The following DIAPH2 variants were observed in gnomAD, a reference collection of about 807,000 sequenced individuals.
DIAPH2 encodes the protein diaphanous related formin 2, also known as protein diaphanous homolog 2.
In DIAPH2, 35 loss-of-function variants were observed where a neutral mutation model predicts 92.7. The ratio of observed to expected loss-of-function variants is 0.38; its 90% CI spans 0.29 to 0.50. The LOEUF (loss-of-function observed/expected upper bound fraction) is 0.50, where lower values mean the gene tolerates loss of function less well. Ranked by LOEUF, DIAPH2 falls within the 20% of genes least tolerant of loss-of-function variation. The probability of loss-of-function intolerance (pLI) is 0.94; values close to 1 mark genes in which losing one functional copy is unlikely to be tolerated. For missense variants in DIAPH2, 701 were observed against 819.5 expected (o/e 0.86, Z 1.77); for synonymous variants, 301 against 280.4 (o/e 1.07, Z -0.73).
At chrX:97,197,411 A>G (rs1921645045) in intron 22 of DIAPH2, among the ~76,000 whole-genome samples, 1 of 112,154 alleles carries the variant, frequency 8.9e-6, no homozygotes, top group Non-Finnish European at 1.9e-5. Flanking sequence ...TACATTTTCT[A>G]TATATGCCTC....
chrX:97,129,888 T>C (rs2067126781), intron 21 of DIAPH2, among the ~76,000 whole-genome samples: 1 of 111,785 alleles, frequency 8.9e-6, no homozygotes, highest in African/African-American at 3.3e-5. Flanking sequence ...ATCCGTAATA[T>C]ATAAAGAACT....
intron 17 of DIAPH2, among the ~76,000 whole-genome samples, chrX:97,018,015 A>C (rs2066272096): frequency 8.9e-6 from 1 of 112,226 alleles, no homozygotes; most frequent in African/African-American, 3.2e-5. Context: ...AACATGTTGG[A>C]AGTTATTAGT....
chrX:97,266,107 A>G (rs2068334341), intron 23 of DIAPH2, among the ~76,000 whole-genome samples: 2 of 111,802 alleles, frequency 1.8e-5, no homozygotes, highest in African/African-American at 6.5e-5. Flanking sequence ...TGCATATACT[A>G]TGTCTGAAAA....
At chrX:97,296,750 T>C (rs1270026847) in intron 23 of DIAPH2, among the ~76,000 whole-genome samples, 5 of 111,298 alleles carry the variant, frequency 4.5e-5, no homozygotes, top group Non-Finnish European at 7.5e-5. Context: ...CCTGGCCAGC[T>C]ATAGTTATAG....
At chrX:96,705,307 C>T (rs1436246746) in intron 1 of DIAPH2, among the ~76,000 whole-genome samples, 1 of 111,116 alleles carries the variant, frequency 9.0e-6, no homozygotes, top group Non-Finnish European at 1.9e-5. Context: ...TATGATCGTG[C>T]CACTGCATTC....
At chrX:96,802,860 T>C (rs2064594138) in intron 4 of DIAPH2, among the ~76,000 whole-genome samples, 1 of 111,747 alleles carries the variant, frequency 8.9e-6, no homozygotes, top group African/African-American at 3.3e-5. Context: ...GCCTTCAGTC[T>C]ATGGCTGAAG....
In DIAPH2 at chrX:96,800,054, T is replaced by C. The variant is rs766642815; in HGVS notation, c.447+41796T>C. ...ACCATTACAATTGTGACCTACTTTT[T>C]TCCATTTGATTTTATTCACTAATAG... On this transcript the variant is annotated intron_variant, in intron 4 of 26. Transcript: ENST00000324765. Among the ~76,000 whole-genome samples, 19 of 111,209 alleles carry C rather than the reference T, an allele frequency of 1.7e-4. No individual in the cohort carries two copies. The East Asian group carries it at 4.8e-3, about 28-fold the overall frequency.
chrX:96,882,977 AAAAAAAC>A (rs1569419391), intron 5 of DIAPH2, among the ~76,000 whole-genome samples: 2 of 48,986 alleles, frequency 4.1e-5, no homozygotes, highest in Non-Finnish European at 6.0e-5. Context: ...AAAAAAAAAA[AAAAAAAC>A]AAAAAAACAA....
chrX:97,231,241 C>CTTTT (rs5903071), intron 22 of DIAPH2, among the ~76,000 whole-genome samples: 13 of 83,397 alleles, frequency 1.6e-4, no homozygotes, highest in African/African-American at 5.8e-4. Flanking sequence ...TTCTTTCAGG[C>CTTTT]TTTTTTTTTT....
chrX:97,379,333 T>C (rs1210759078), intron 24 of DIAPH2, among the ~76,000 whole-genome samples: 1 of 112,109 alleles, frequency 8.9e-6, no homozygotes, highest in Non-Finnish European at 1.9e-5. Flanking sequence ...GATGTGGTCA[T>C]TTGTCTGTCA....
intron 23 of DIAPH2, among the ~76,000 whole-genome samples, chrX:97,268,776 A>G (rs1385906988): frequency 9.0e-6 from 1 of 111,245 alleles, no homozygotes; most frequent in Non-Finnish European, 1.9e-5. Context: ...TAACACCAGG[A>G]AGAATAATTG....
rs1358955185 is a variant in DIAPH2, at chrX:97,323,884, C to T, written c.2845-24232C>T. ...CGCCATTGCACCCCAGCCTGGGCAA[C>T]AGGAGCGAAACTCTGTCTCAAAAAA... On this transcript the variant is annotated intron_variant, in intron 23 of 26. Transcript: ENST00000324765. 1.5e-4 allele frequency among the ~76,000 whole-genome samples: 12 copies of T among 81,565 alleles called. No individual in the cohort carries two copies. In the Admixed American group the frequency reaches 2.1e-3, roughly 14 times the overall value. The allele number at this position is 81,565 out of a possible 115,157, so 70.8% of individuals were successfully genotyped here.
chrX:97,562,398 C>T (rs765167321), intron 26 of DIAPH2, among the ~76,000 whole-genome samples: 68 of 109,940 alleles, frequency 6.2e-4, no homozygotes, highest in African/African-American at 2.2e-3. Flanking sequence ...CCCAGCTACT[C>T]GGGAGGCTGA....
chrX:96,850,712 G>A (rs926964519), intron 4 of DIAPH2, among the ~76,000 whole-genome samples: 3 of 111,828 alleles, frequency 2.7e-5, no homozygotes, highest in Non-Finnish European at 3.8e-5. Context: ...TTTTTATCTC[G>A]TGGTGTCTCC....
At chrX:97,364,759 G>GTTTTTTTTTGTTTTTTTTTT (rs1279508605) in intron 24 of DIAPH2, among the ~76,000 whole-genome samples, 1 of 56,593 alleles carries the variant, frequency 1.8e-5, no homozygotes, top group Non-Finnish European at 3.5e-5. Flanking sequence ...GTCTCCTGGT[G>GTTTTTTTTTGTTTTTTTTTT]TTTTTTTTTT....
intron 26 of DIAPH2, chrX:97,469,726 C>G (rs1180740780): frequency 8.3e-7 from 1 of 1,207,405 alleles, no homozygotes; most frequent in African/African-American, 1.7e-5. Flanking sequence ...AAGGGCTAAT[C>G]CAAGATCAGC....
At chrX:96,702,481 G>A (rs2063861114) in intron 1 of DIAPH2, among the ~76,000 whole-genome samples, 1 of 112,223 alleles carries the variant, frequency 8.9e-6, no homozygotes, top group African/African-American at 3.2e-5. Context: ...TACTGTAGAA[G>A]GAAAAAGTGC....
chrX:97,324,296 C>T (rs891756155), intron 23 of DIAPH2, among the ~76,000 whole-genome samples: 2 of 111,192 alleles, frequency 1.8e-5, no homozygotes, highest in Non-Finnish European at 3.8e-5. Context: ...TCTGATGTAC[C>T]ACTTAATATT....
chrX:97,355,041 C>T (rs1304276005), intron 24 of DIAPH2, among the ~76,000 whole-genome samples: 1 of 112,221 alleles, frequency 8.9e-6, no homozygotes, highest in Non-Finnish European at 1.9e-5. Context: ...GTTCTTCCTT[C>T]TATCTTAAGT....
Sources: allele counts gnomAD v4.1 joint callset (sites outside exome capture counted in the v4.1 genomes callset), GRCh38; gene constraint gnomAD v4.1.1; transcripts MANE v1.5; gene names NCBI Gene and HGNC (gene_info 2026-07-23, HGNC 2026-07-21).